The following SRBD1 variants were observed in gnomAD, a reference collection of about 807,000 sequenced individuals.
SRBD1 encodes the protein S1 RNA binding domain 1.
In SRBD1, 88 loss-of-function variants were observed where a neutral mutation model predicts 115.3. The ratio of observed to expected loss-of-function variants is 0.76; its 90% CI spans 0.64 to 0.91. The LOEUF is 0.91. Among genes scored for constraint, SRBD1 ranks in the 40% least tolerant of loss-of-function variants. SRBD1 has a pLI of 0.00. For missense variants in SRBD1, 1,385 were observed against 1,177.4 expected (o/e 1.18, Z -2.58); for synonymous variants, 509 against 407.7 (o/e 1.25, Z -2.99).
chr2:45,391,058 T>C (rs1015927698), intron 20 of SRBD1, among the ~76,000 whole-genome samples: 3 of 152,176 alleles, frequency 2.0e-5, no homozygotes, highest in Non-Finnish European at 2.9e-5. Flanking sequence ...TTTTTATGCT[T>C]GGAAATTCTT....
chr2:45,455,601 G>A (rs1323332797), intron 16 of SRBD1, among the ~76,000 whole-genome samples: 1 of 151,822 alleles, frequency 6.6e-6, no homozygotes, highest in Non-Finnish European at 1.5e-5. Context: ...GAAACCCTCT[G>A]AAGCATAGGG....
Position 45,421,030 on chromosome 2 carries a change from T to G in SRBD1, c.2050-1136A>C, listed in dbSNP as rs146403254. On this transcript the variant is annotated intron_variant, in intron 16 of 20. Transcript: ENST00000263736. ...GTGACAAAACTCCTTTTCTGAAAGGTCCTTAAATGGTTTATTATTCAATGG... is the reference window on the plus strand; with the variant it reads ...GTGACAAAACTCCTTTTCTGAAAGGGCCTTAAATGGTTTATTATTCAATGG... 2.4e-3 allele frequency among the ~76,000 whole-genome samples: 359 copies of G among 152,254 alleles called. 2 individuals carry two copies. Among genetic ancestry groups the G allele is most frequent in the African/African-American group, 8.5e-3 (353 of 41,548 alleles).
chr2:45,419,932 A>C, intron 16 of SRBD1, 38 bp from the exon 17 acceptor site: 1 of 1,557,186 alleles, frequency 6.4e-7, no homozygotes, highest in Non-Finnish European at 8.8e-7. Flanking sequence ...AGTGAAGGAG[A>C]TGTAGTTCTT....
At chr2:45,417,943 G>C (rs1034412088) in intron 18 of SRBD1, among the ~76,000 whole-genome samples, 2 of 152,176 alleles carry the variant, frequency 1.3e-5, no homozygotes, top group African/African-American at 4.8e-5. Flanking sequence ...TGCACACTTA[G>C]TGTTCACTTT....
In SRBD1 at chr2:45,491,860, C is replaced by T. The variant is rs953038672; in HGVS notation, c.1875-3529G>A. ...TTTTTGAGACAGAGTCTCACTCTGT[C>T]GCCCAGGCTGGAATGCAATGGCGCA... On this transcript the variant is annotated intron_variant, in intron 14 of 20. Transcript: ENST00000263736. Among the ~76,000 whole-genome samples the T allele has an allele frequency of 6.6e-5, 10 of 152,248 alleles. No homozygotes were observed. In the East Asian group the frequency reaches 1.2e-3, roughly 18 times the overall value.
intron 18 of SRBD1, 145 bp from the exon 19 acceptor site, chr2:45,413,438 C>G: frequency 1.1e-6 from 1 of 924,732 alleles, no homozygotes; most frequent in East Asian, 2.7e-5. Flanking sequence ...TAGAAACTAC[C>G]ACTTATTTGT....
At chr2:45,521,226 G>A (rs1558451443) in intron 14 of SRBD1, among the ~76,000 whole-genome samples, 1 of 151,724 alleles carries the variant, frequency 6.6e-6, no homozygotes, top group African/African-American at 2.4e-5. Flanking sequence ...GAAACACAGA[G>A]GGGGAAAGTG....
chr2:45,458,006 T>G (rs1305652504), intron 16 of SRBD1, among the ~76,000 whole-genome samples: 2 of 152,076 alleles, frequency 1.3e-5, no homozygotes, highest in Non-Finnish European at 2.9e-5. Flanking sequence ...GCACTTACTA[T>G]TCACATATTC....
At chr2:45,414,865 T>TAC (rs1029180686) in intron 18 of SRBD1, among the ~76,000 whole-genome samples, 2 of 128,586 alleles carry the variant, frequency 1.6e-5, no homozygotes, top group Admixed American at 1.7e-4. Context: ...ATATAGTATG[T>TAC]ACACACAATA....
chr2:45,601,894 A>C lies in SRBD1; in HGVS notation c.261+9T>G. On this transcript the variant is annotated intron_variant, in intron 3 of 20. Transcript: ENST00000263736. ...TACAGAGTTCCCTCTATCCAGCTGT[A>C]GCACCTACCAGCTCCTCCTTAACAA... 1.2e-6 allele frequency: 2 copies of C among 1,613,908 alleles called. No individual in the cohort carries two copies. Among genetic ancestry groups the C allele is most frequent in the Non-Finnish European group, 1.7e-6 (2 of 1,179,850 alleles).
At chr2:45,511,290 C>T (rs1415492959) in intron 14 of SRBD1, among the ~76,000 whole-genome samples, 1 of 152,180 alleles carries the variant, frequency 6.6e-6, no homozygotes, top group Non-Finnish European at 1.5e-5. Flanking sequence ...TAGCAGTATC[C>T]GTTCATTAGC....
chr2:45,470,454 T>C (rs1669612357), intron 16 of SRBD1, among the ~76,000 whole-genome samples: 1 of 152,160 alleles, frequency 6.6e-6, no homozygotes, highest in South Asian at 2.1e-4. Flanking sequence ...TCATTCTCTA[T>C]CATCACCAAA....
intron 16 of SRBD1, among the ~76,000 whole-genome samples, chr2:45,475,642 T>A (rs1669782634): frequency 6.6e-6 from 1 of 152,228 alleles, no homozygotes; most frequent in African/African-American, 2.4e-5. Context: ...CATAACTTTA[T>A]CTTGAATGAA....
At chr2:45,470,896 GC>G (rs1669629310) in intron 16 of SRBD1, among the ~76,000 whole-genome samples, 2 of 152,140 alleles carry the variant, frequency 1.3e-5, no homozygotes, top group Admixed American at 6.5e-5. Context: ...TTGGAACGCT[GC>G]CTTTAGCATT....
chr2:45,605,986 A>T (rs758640113), intron 1 of SRBD1, among the ~76,000 whole-genome samples: 24 of 151,536 alleles, frequency 1.6e-4, no homozygotes, highest in Non-Finnish European at 3.1e-4. Context: ...GCCATCTTTT[A>T]AAAAATATAA....
intron 14 of SRBD1, among the ~76,000 whole-genome samples, chr2:45,516,513 C>G (rs1046921043): frequency 5.3e-5 from 8 of 152,154 alleles, no homozygotes; most frequent in South Asian, 4.1e-4. Flanking sequence ...ATGTAACACA[C>G]ACACACAACA....
chr2:45,552,155 G>A (rs781248877), intron 11 of SRBD1, among the ~76,000 whole-genome samples: 15 of 152,154 alleles, frequency 9.9e-5, no homozygotes, highest in East Asian at 1.9e-4. Flanking sequence ...ATATGCAGAC[G>A]TAGGCTATGC....
chr2:45,439,174 A>G (rs1314609680), intron 16 of SRBD1, among the ~76,000 whole-genome samples: 1 of 151,772 alleles, frequency 6.6e-6, no homozygotes, highest in Non-Finnish European at 1.5e-5. Context: ...GGATTTTTAG[A>G]TAAATGAGAT....
intron 14 of SRBD1, among the ~76,000 whole-genome samples, chr2:45,506,892 C>A (rs1417312463): frequency 1.3e-5 from 2 of 152,128 alleles, no homozygotes; most frequent in African/African-American, 2.4e-5. Context: ...TAAAACAAGT[C>A]ATTTTGATAT....
Sources: gnomAD v4.1 joint callset for allele counts (sites outside exome capture counted in the v4.1 genomes callset) on GRCh38, gnomAD v4.1.1 for gene constraint, MANE v1.5 for transcripts, NCBI Gene and HGNC (gene_info 2026-07-23, HGNC 2026-07-21) for gene names.